The following HCN1 variants were observed in gnomAD, a reference collection of about 807,000 sequenced individuals.
The protein encoded by HCN1 is hyperpolarization activated cyclic nucleotide gated potassium channel 1, also known as potassium/sodium hyperpolarization-activated cyclic nucleotide-gated channel 1.
In HCN1, 13 loss-of-function variants were observed where a neutral mutation model predicts 78.9. That is an observed-to-expected ratio of 0.16 (90% confidence interval 0.11 to 0.26). The LOEUF (loss-of-function observed/expected upper bound fraction) is 0.26. HCN1 is among the 10% of genes least tolerant of loss of function. The pLI, the probability that HCN1 is intolerant of heterozygous loss-of-function variation, is 1.00. For missense variants in HCN1, 810 were observed against 1,154.3 expected (o/e 0.70, Z 4.32); for synonymous variants, 552 against 455.5 (o/e 1.21, Z -2.70).
chr5:45,651,472 C>G (rs1745673737), intron 1 of HCN1, among the ~76,000 whole-genome samples: 1 of 151,892 alleles, frequency 6.6e-6, no homozygotes, highest in Non-Finnish European at 1.5e-5. Context: ...ATGTTTATAA[C>G]AACTTATCAA....
chr5:45,396,084 G>A (rs1739681688), intron 4 of HCN1, among the ~76,000 whole-genome samples: 1 of 151,922 alleles, frequency 6.6e-6, no homozygotes, highest in Admixed American at 6.6e-5. Context: ...GATGAGGGGG[G>A]GTACAGAGGG....
intron 2 of HCN1, among the ~76,000 whole-genome samples, chr5:45,529,808 T>C (rs945300822): frequency 5.9e-5 from 9 of 152,126 alleles, no homozygotes; most frequent in African/African-American, 2.2e-4. Context: ...CACCATCAAT[T>C]GCAAATAATC....
chr5:45,509,057 C>A (rs761938880), intron 2 of HCN1, among the ~76,000 whole-genome samples: 2 of 152,130 alleles, frequency 1.3e-5, no homozygotes, highest in Non-Finnish European at 2.9e-5. Flanking sequence ...ATTTTCCTTA[C>A]TTTCAAGTCC....
At chr5:45,324,246 A>C (rs1746188720) in intron 5 of HCN1, among the ~76,000 whole-genome samples, 1 of 151,970 alleles carries the variant, frequency 6.6e-6, no homozygotes, top group Non-Finnish European at 1.5e-5. Context: ...AAATTTTTGC[A>C]ATCTACTCAT....
At chr5:45,528,323 T>C (rs58986238) in intron 2 of HCN1, among the ~76,000 whole-genome samples, 6,907 of 152,068 alleles carry the variant, frequency 0.045, 550 homozygotes, top group African/African-American at 0.16. Context: ...ACTAATAGCT[T>C]ATATTTCATA....
intron 2 of HCN1, among the ~76,000 whole-genome samples, chr5:45,545,134 C>T (rs866693542): frequency 2.8e-4 from 43 of 152,138 alleles, no homozygotes; most frequent in African/African-American, 8.7e-4. Context: ...TTTTAATGAT[C>T]GCCATTCTAA....
rs532887073 is a variant in HCN1 at position 45,441,062 on chromosome 5, G to C, written c.1011+20784C>G. 5.3e-5 allele frequency among the ~76,000 whole-genome samples: 8 copies of C among 151,960 alleles called. 1 individual carries two copies. In the South Asian group the frequency reaches 8.3e-4, roughly 16 times the overall value. On this transcript the variant is annotated intron_variant, in intron 3 of 7. Coordinates refer to ENST00000303230, the MANE Select transcript of HCN1 (RefSeq NM_021072.4). Reference sequence around the variant, plus strand: ...ATAACTTCTTCCTTCATTTCCTTGAGTTTTCTGATTAAATGTCATCTTTTT... The same window carrying C: ...ATAACTTCTTCCTTCATTTCCTTGACTTTTCTGATTAAATGTCATCTTTTT...
chr5:45,402,395 C>T (rs1739831775), intron 3 of HCN1, among the ~76,000 whole-genome samples: 1 of 152,126 alleles, frequency 6.6e-6, no homozygotes, highest in Admixed American at 6.6e-5. Flanking sequence ...GTTTTCACAA[C>T]TGGCAGAGGT....
chr5:45,476,433 T>C (rs949550997), intron 2 of HCN1, among the ~76,000 whole-genome samples: 3 of 152,178 alleles, frequency 2.0e-5, no homozygotes, highest in Non-Finnish European at 4.4e-5. Flanking sequence ...GTCTATGATA[T>C]TGTTTAAGTA....
chr5:45,624,378 G>C (rs796248836), intron 2 of HCN1, among the ~76,000 whole-genome samples: 21 of 152,276 alleles, frequency 1.4e-4, no homozygotes, highest in African/African-American at 4.8e-4. Flanking sequence ...TTTGAAAATA[G>C]AGCCAATGCA....
chr5:45,693,181 C>T lies in HCN1; in HGVS notation c.425+2488G>A, dbSNP rs145598654. On this transcript the variant is annotated intron_variant, in intron 1 of 7. Transcript: ENST00000303230. Reference sequence around the variant, plus strand: ...AACTACCGCTAGAATTTTGTCTTTCCTATTTTTGTTCTTTCATTACATTAT... The same window carrying T: ...AACTACCGCTAGAATTTTGTCTTTCTTATTTTTGTTCTTTCATTACATTAT... Among the ~76,000 whole-genome samples the T allele has an allele frequency of 5.2e-3, 786 of 152,168 alleles. 9 individuals carry two copies. The highest frequency in any genetic ancestry group is 0.017 in the African/African-American group (700 of 41,528).
In HCN1 at chr5:45,550,727, C is replaced by T. The variant is rs142759676; in HGVS notation, c.850-88720G>A. Among the ~76,000 whole-genome samples the T allele has an allele frequency of 1.0e-3, 158 of 152,082 alleles. 2 individuals carry two copies. The highest frequency in any genetic ancestry group is 6.8e-3 in the Middle Eastern group (2 of 294). On this transcript the variant is annotated intron_variant, in intron 2 of 7. Transcript: ENST00000303230. ...TCATTGTGAAACACATATATTTGGA[C>T]TTACCTAAATGTTAGCTTAAACTTG...
intron 2 of HCN1, among the ~76,000 whole-genome samples, chr5:45,483,798 T>A (rs935688727): frequency 3.9e-5 from 6 of 152,138 alleles, no homozygotes; most frequent in African/African-American, 1.4e-4. Flanking sequence ...TTTCTGTATA[T>A]GATGAAAGGT....
At chr5:45,348,329 C>A (rs774428406) in intron 5 of HCN1, among the ~76,000 whole-genome samples, 1 of 152,070 alleles carries the variant, frequency 6.6e-6, no homozygotes, top group African/African-American at 2.4e-5. Flanking sequence ...GAGATTTTGT[C>A]ACCAGCAGGC....
chr5:45,595,219 A>G (rs1744462153), intron 2 of HCN1, among the ~76,000 whole-genome samples: 1 of 152,230 alleles, frequency 6.6e-6, no homozygotes, highest in Admixed American at 6.5e-5. Flanking sequence ...CATGCACAAG[A>G]AGAAATTCAA....
intron 4 of HCN1, among the ~76,000 whole-genome samples, chr5:45,369,510 C>A (rs1241557861): frequency 6.6e-6 from 1 of 152,036 alleles, no homozygotes; most frequent in African/African-American, 2.4e-5. Context: ...TCACTCAGCC[C>A]CAGCCTGATT....
At chr5:45,430,038 C>A (rs537638278) in intron 3 of HCN1, among the ~76,000 whole-genome samples, 9 of 151,850 alleles carry the variant, frequency 5.9e-5, no homozygotes, top group South Asian at 2.1e-4. Flanking sequence ...TACAAAGACT[C>A]TAGGCATAAA....
chr5:45,346,348 C>T (rs1475725386), intron 5 of HCN1, among the ~76,000 whole-genome samples: 1 of 152,068 alleles, frequency 6.6e-6, no homozygotes, highest in Non-Finnish European at 1.5e-5. Flanking sequence ...AAGGAGAGGG[C>T]AAAGAAGTGT....
intron 2 of HCN1, among the ~76,000 whole-genome samples, chr5:45,639,260 C>CTTTATTGA (rs1745411453): frequency 6.6e-6 from 1 of 152,052 alleles, no homozygotes; most frequent in Non-Finnish European, 1.5e-5. Flanking sequence ...ACCTAGTGGT[C>CTTTATTGA]TTTAGCAGAA....
Sources: allele counts gnomAD v4.1 joint callset (sites outside exome capture counted in the v4.1 genomes callset), GRCh38; gene constraint gnomAD v4.1.1; transcripts MANE v1.5; gene names NCBI Gene and HGNC (gene_info 2026-07-23, HGNC 2026-07-21).